MTSS1: variants seen among roughly 807,000 people sequenced by gnomAD.
MTSS1 encodes protein MTSS 1.
MTSS1 carries 18 observed loss-of-function variants against 79.0 expected under a neutral mutation model. The ratio of observed to expected loss-of-function variants is 0.23; its 90% CI spans 0.16 to 0.34. MTSS1 has a LOEUF of 0.34. MTSS1 is among the 10% of genes least tolerant of loss of function. The pLI is 1.00. For missense variants in MTSS1, 815 were observed against 986.2 expected (o/e 0.83, Z 2.33); for synonymous variants, 341 against 368.6 (o/e 0.93, Z 0.86).
chr8:124,622,793 CA>C (rs11403789), intron 3 of MTSS1, among the ~76,000 whole-genome samples: 225 of 120,524 alleles, frequency 1.9e-3, no homozygotes, highest in Non-Finnish European at 2.3e-3. Context: ...GAGTCCATCT[CA>C]AAAAAAAAAA....
chr8:124,599,240 T>C lies in MTSS1; in HGVS notation c.209-8005A>G, dbSNP rs570022658. Reference sequence around the variant, plus strand: ...GCTCACGCCTGTAATCCCCAACACTTTGGGAGGCCGAGGCGGGCCGATTGC... The same window carrying C: ...GCTCACGCCTGTAATCCCCAACACTCTGGGAGGCCGAGGCGGGCCGATTGC... On this transcript the variant is annotated intron_variant, in intron 3 of 13. Transcript: ENST00000518547. Among the ~76,000 whole-genome samples the C allele has an allele frequency of 1.2e-4, 18 of 152,168 alleles. No individual in the cohort carries two copies. In the South Asian group the frequency reaches 3.5e-3, roughly 30 times the overall value.
At chr8:124,653,749 C>CA (rs1001297945) in intron 3 of MTSS1, among the ~76,000 whole-genome samples, 22 of 146,138 alleles carry the variant, frequency 1.5e-4, no homozygotes, top group Admixed American at 4.0e-4. Context: ...AAAACAAACA[C>CA]AAAAAAATAA....
intron 1 of MTSS1, among the ~76,000 whole-genome samples, chr8:124,719,482 G>A (rs1011609180): frequency 6.6e-6 from 1 of 152,132 alleles, no homozygotes; most frequent in Non-Finnish European, 1.5e-5. Flanking sequence ...CTCTATGGTG[G>A]TGTGGATTAC....
intron 3 of MTSS1, among the ~76,000 whole-genome samples, chr8:124,606,171 G>GT (rs11351219): frequency 0.071 from 6,320 of 88,848 alleles, 187 homozygotes; most frequent in Non-Finnish European, 0.087. Context: ...TTGGTTTTTT[G>GT]TTTTTTTTTT....
chr8:124,652,321 A>G (rs908240395), intron 3 of MTSS1, among the ~76,000 whole-genome samples: 1 of 151,964 alleles, frequency 6.6e-6, no homozygotes, highest in African/African-American at 2.4e-5. Context: ...CTACAGGTGC[A>G]TGCCACCATG....
At chr8:124,560,942 G>C (rs900510765) in intron 10 of MTSS1, among the ~76,000 whole-genome samples, 1 of 152,104 alleles carries the variant, frequency 6.6e-6, no homozygotes, top group African/African-American at 2.4e-5. Context: ...GGGCTCCTGC[G>C]CCTCCTAGAT....
chr8:124,580,141 T>G (rs1354384577), intron 6 of MTSS1: 1 of 159,194 alleles, frequency 6.3e-6, no homozygotes, highest in African/African-American at 2.5e-5. Context: ...CAACCAAATC[T>G]GATTTGAGAA....
At chr8:124,651,450 CT>C (rs879654879) in intron 3 of MTSS1, among the ~76,000 whole-genome samples, 125 of 139,110 alleles carry the variant, frequency 9.0e-4, no homozygotes, top group Non-Finnish European at 7.6e-4. Context: ...TCCACATGGT[CT>C]TTTTTTTTTT....
chr8:124,687,544 G>GA (rs1827184716), intron 3 of MTSS1, among the ~76,000 whole-genome samples: 1 of 152,204 alleles, frequency 6.6e-6, no homozygotes, highest in African/African-American at 2.4e-5. Context: ...AGTGGGTTCT[G>GA]AGAGAGACAG....
chr8:124,555,768 C>T lies in MTSS1; in HGVS notation c.1541G>A (p.Cys514Tyr). 2 of 1,612,324 alleles carry T rather than the reference C, an allele frequency of 1.2e-6. No homozygotes were observed. The highest frequency in any genetic ancestry group is 8.5e-7 in the Non-Finnish European group (1 of 1,179,150). ...GYSTQTTTPC[C>Y]SEDTIPSQVS... ...TTGGGAAGGGATGGTGTCCTCAGAG[C>T]AGCAGGGGGTGGTTGTCTGGGTGCT... Residue 514 changes from cysteine (C) to tyrosine (Y), a missense_variant, in exon 13 of 14, where the codon TGC (cysteine) becomes TAC (tyrosine). Around this residue, in one of 2 missense-constraint regions of MTSS1, gnomAD observed 590 missense variants for 620.8 expected, o/e 0.95. Transcript: ENST00000518547.
intron 3 of MTSS1, among the ~76,000 whole-genome samples, chr8:124,626,236 GC>G (rs1463273032): frequency 6.6e-6 from 1 of 152,202 alleles, no homozygotes; most frequent in Non-Finnish European, 1.5e-5. Flanking sequence ...ACCACACTGA[GC>G]CATTCTAGTG....
intron 1 of MTSS1, among the ~76,000 whole-genome samples, chr8:124,711,102 C>G (rs1831097536): frequency 6.6e-6 from 1 of 152,212 alleles, no homozygotes; most frequent in Non-Finnish European, 1.5e-5. Flanking sequence ...ACTGTCATCA[C>G]CATCATCATG....
chr8:124,663,032 G>A (rs1822367349), intron 3 of MTSS1, among the ~76,000 whole-genome samples: 1 of 152,092 alleles, frequency 6.6e-6, no homozygotes, highest in South Asian at 2.1e-4. Flanking sequence ...ATCAGTATCT[G>A]GGCCCCACTC....
intron 3 of MTSS1, among the ~76,000 whole-genome samples, chr8:124,686,151 G>T (rs1175129007): frequency 2.0e-5 from 3 of 152,212 alleles, no homozygotes; most frequent in African/African-American, 7.2e-5. Flanking sequence ...GGTGTGTCCA[G>T]CTGTACTGAC....
At chr8:124,663,707 C>T (rs1018692835) in intron 3 of MTSS1, among the ~76,000 whole-genome samples, 11 of 152,164 alleles carry the variant, frequency 7.2e-5, no homozygotes, top group South Asian at 2.1e-4. Flanking sequence ...TATCAGCTTT[C>T]GATATTTTGC....
intron 3 of MTSS1, among the ~76,000 whole-genome samples, chr8:124,606,108 T>A (rs1255308271): frequency 1.3e-5 from 2 of 151,108 alleles, no homozygotes; most frequent in African/African-American, 4.9e-5. Context: ...CCCAAGTAGC[T>A]GGGACTACAG....
At chr8:124,691,572 A>G (rs1049115428) in intron 3 of MTSS1, among the ~76,000 whole-genome samples, 3 of 152,026 alleles carry the variant, frequency 2.0e-5, no homozygotes, top group African/African-American at 7.2e-5. Flanking sequence ...CTGGAGTACA[A>G]TGGTACGATC....
intron 3 of MTSS1, among the ~76,000 whole-genome samples, chr8:124,650,619 C>T (rs561461771): frequency 6.6e-6 from 1 of 152,264 alleles, no homozygotes; most frequent in South Asian, 2.1e-4. Context: ...CAGCCTTCTG[C>T]CATGCACGAA....
intron 3 of MTSS1, among the ~76,000 whole-genome samples, chr8:124,617,329 G>C (rs944021754): frequency 6.6e-6 from 1 of 152,130 alleles, no homozygotes; most frequent in Non-Finnish European, 1.5e-5. Flanking sequence ...GAGCCCGCTG[G>C]GTCCCAGGGG....
Sources: allele counts gnomAD v4.1 joint callset (sites outside exome capture counted in the v4.1 genomes callset), GRCh38; gene constraint gnomAD v4.1.1; regional missense constraint gnomAD v4.1.1; transcripts MANE v1.5; gene names NCBI Gene and HGNC (gene_info 2026-07-23, HGNC 2026-07-21).